SORBS2: variants seen among roughly 807,000 people sequenced by gnomAD.
SORBS2 encodes the protein sorbin and SH3 domain-containing protein 2.
In SORBS2, 46 loss-of-function variants were observed where a neutral mutation model predicts 97.7. That is an observed-to-expected ratio of 0.47 (90% confidence interval 0.37 to 0.60). The LOEUF is 0.60. SORBS2 is among the 20% of genes least tolerant of loss of function. The probability of loss-of-function intolerance (pLI) is 0.00; values close to 1 mark genes in which losing one functional copy is unlikely to be tolerated. For missense variants in SORBS2, 1,316 were observed against 1,282.3 expected, an observed-to-expected ratio of 1.03 and a Z score of -0.40; for synonymous variants, 476 against 473.4, an observed-to-expected ratio of 1.01 and a Z score of -0.07.
At chr4:185,943,388 G>A (rs2099273030) in intron 1 of SORBS2, among the ~76,000 whole-genome samples, 2 of 152,226 alleles carry the variant, frequency 1.3e-5, no homozygotes, top group Non-Finnish European at 2.9e-5. Flanking sequence ...CTGATGTCAT[G>A]AAATTGTGTG....
At chr4:185,782,079 C>T (rs2099033966) in intron 1 of SORBS2, among the ~76,000 whole-genome samples, 1 of 152,188 alleles carries the variant, frequency 6.6e-6, no homozygotes, top group Admixed American at 6.5e-5. Context: ...TACGTAGTTG[C>T]TGAATAAGTA....
At position 185,885,632 on chromosome 4, in the gene SORBS2, A is replaced by G. The variant is rs184838318; in HGVS notation, c.-338+70564T>C. ...ATAAAAGGATGAACTAGCTATTTTT[A>G]TAATCTCTCATTTTACTCTTCAAAG... On this transcript the variant is annotated intron_variant, in intron 1 of 20. Transcript: ENST00000284776. Among the ~76,000 whole-genome samples the G allele has an allele frequency of 2.1e-3, 322 of 152,372 alleles. 1 individual carries two copies. The highest frequency in any genetic ancestry group is 7.3e-3 in the African/African-American group (302 of 41,592).
At chr4:185,936,407 T>A (rs1303342495) in intron 1 of SORBS2, among the ~76,000 whole-genome samples, 1 of 152,172 alleles carries the variant, frequency 6.6e-6, no homozygotes, top group Non-Finnish European at 1.5e-5. Context: ...ACATAGGCAA[T>A]GGGTACTGAA....
rs139391494 is a variant in SORBS2, at chr4:185,681,634, T to C, written c.-197-2812A>G. On this transcript the variant is annotated intron_variant, in intron 2 of 20. Transcript: ENST00000284776. ...TTTCCCCTTTCCTGGCTGTTTTGCA[T>C]GTGAATATTTTAACAAATAGGGTCT... 3.9e-5 allele frequency among the ~76,000 whole-genome samples: 6 copies of C among 152,330 alleles called. No individual in the cohort carries two copies. The East Asian group carries it at 1.2e-3, about 29-fold the overall frequency.
In SORBS2 at chr4:185,607,133, G is replaced by A. The variant is rs758470663; in HGVS notation, c.2796+4647C>T. 1 of 1,093,978 alleles carries A rather than the reference G, an allele frequency of 9.1e-7. No individual in the cohort carries two copies. The highest frequency in any genetic ancestry group is 1.1e-6 in the Non-Finnish European group (1 of 892,556). The allele number at this position is 1,093,978 out of a possible 1,614,324, so 67.8% of individuals were successfully genotyped here. On this transcript the variant is annotated intron_variant, in intron 12 of 14. Coordinates refer to ENST00000418609, the Ensembl canonical transcript of SORBS2. The surrounding 1 kb of genome is among the most constrained non-coding windows in gnomAD (Gnocchi z 5.2). ...AGGATGGCGTCCTCTAGGATGGTTG[G>A]TTTGGCTTGGTCAGCTGACAAGGTT...
intron 11 of SORBS2, among the ~76,000 whole-genome samples, chr4:185,613,731 C>T (rs2096582293): frequency 1.3e-5 from 2 of 150,916 alleles, no homozygotes; most frequent in South Asian, 4.2e-4. Context: ...CAGGTAGTTG[C>T]TAGGCTGTTG....
At chr4:185,787,111 G>C (rs569391646) in intron 1 of SORBS2, among the ~76,000 whole-genome samples, 1 of 152,108 alleles carries the variant, frequency 6.6e-6, no homozygotes, top group Non-Finnish European at 1.5e-5. Flanking sequence ...GTAGGCTGTT[G>C]TTGCTGTTTA....
At chr4:185,812,510 C>T (rs949651503) in intron 1 of SORBS2, among the ~76,000 whole-genome samples, 1 of 152,194 alleles carries the variant, frequency 6.6e-6, no homozygotes, top group Non-Finnish European at 1.5e-5. Flanking sequence ...AAGTGAAGCC[C>T]TATTAGTGGC....
intron 1 of SORBS2, among the ~76,000 whole-genome samples, chr4:185,951,540 G>A (rs1261660172): frequency 6.6e-6 from 1 of 152,180 alleles, no homozygotes; most frequent in African/African-American, 2.4e-5. Flanking sequence ...TGCACATTCA[G>A]GATTAGGCTC....
chr4:185,618,705 T>C, intron 8 of SORBS2, 74 bp from the exon 21 acceptor site: 1 of 945,716 alleles, frequency 1.1e-6, no homozygotes, highest in Non-Finnish European at 1.6e-6. Flanking sequence ...TAATGTGCCT[T>C]AAAGAAAAAG....
At chr4:185,614,503 C>T (rs916000380) in intron 11 of SORBS2, 2 of 216,046 alleles carry the variant, frequency 9.3e-6, no homozygotes, top group Non-Finnish European at 9.1e-6. Context: ...AGCAAAACAA[C>T]ATATTTTGAA....
intron 13 of SORBS2, 153 bp from the exon 26 acceptor site, chr4:185,589,938 A>G (rs1438711265): frequency 5.1e-6 from 3 of 592,240 alleles, no homozygotes; most frequent in African/African-American, 3.7e-5. Flanking sequence ...ATAGCATTCT[A>G]TTGGATGGTA....
chr4:185,747,547 G>A (rs888535186), intron 2 of SORBS2, among the ~76,000 whole-genome samples: 4 of 152,154 alleles, frequency 2.6e-5, no homozygotes, highest in Non-Finnish European at 5.9e-5. Flanking sequence ...CTTGGGCCCT[G>A]TCTCAGGGGC....
At chr4:185,850,222 T>C (rs2099217038) in intron 1 of SORBS2, among the ~76,000 whole-genome samples, 1 of 152,204 alleles carries the variant, frequency 6.6e-6, no homozygotes, top group Non-Finnish European at 1.5e-5. Flanking sequence ...CTAAAGTGAC[T>C]TTCATGTGGG....
At chr4:185,755,480 T>C (rs2098825014) in intron 2 of SORBS2, among the ~76,000 whole-genome samples, 1 of 152,228 alleles carries the variant, frequency 6.6e-6, no homozygotes, top group South Asian at 2.1e-4. Flanking sequence ...AAATGTGAGA[T>C]GTTTGGCATG....
chr4:185,748,727 T>A (rs1199628814), intron 2 of SORBS2, among the ~76,000 whole-genome samples: 1 of 152,230 alleles, frequency 6.6e-6, no homozygotes, highest in Non-Finnish European at 1.5e-5. Context: ...GTGAACTCAC[T>A]CATCAGTTTG....
chr4:185,624,148 C>A (rs201423233), exon 7 of SORBS2: 118 of 1,614,244 alleles, frequency 7.3e-5, no homozygotes, highest in Admixed American at 2.7e-4. Context: ...CGTAGGGGGA[C>A]CCCCACGCCA....
chr4:185,829,660 C>A (rs2099204088), intron 1 of SORBS2, among the ~76,000 whole-genome samples: 1 of 152,168 alleles, frequency 6.6e-6, no homozygotes, highest in South Asian at 2.1e-4. Context: ...AATGAGTTTT[C>A]TTTTAAGTTT....
chr4:185,877,031 T>C (rs956413767), intron 1 of SORBS2, among the ~76,000 whole-genome samples: 3 of 152,234 alleles, frequency 2.0e-5, no homozygotes, highest in African/African-American at 7.2e-5. Context: ...TCTTGGATGA[T>C]GAGGCCATAA....
Sources: allele counts gnomAD v4.1 joint callset (sites outside exome capture counted in the v4.1 genomes callset), GRCh38; gene constraint gnomAD v4.1.1; non-coding constraint Gnocchi (gnomAD v3.1); transcripts MANE v1.5; gene names NCBI Gene and HGNC (gene_info 2026-07-23, HGNC 2026-07-21).